MCTP1: variants seen among roughly 807,000 people sequenced by gnomAD.
The protein encoded by MCTP1 is multiple C2 and transmembrane domain containing 1.
A neutral mutation model predicts 120.6 loss-of-function variants in MCTP1; 69 were observed. That is an observed-to-expected ratio of 0.57 (90% CI 0.47 to 0.70). MCTP1 has a LOEUF of 0.70. Ranked by LOEUF, MCTP1 falls within the 30% of genes least tolerant of loss-of-function variation. The pLI is 0.00. For missense variants in MCTP1, 1,203 were observed against 1,248.8 expected (o/e 0.96, Z 0.55); for synonymous variants, 529 against 493.1 (o/e 1.07, Z -0.96).
At chr5:94,712,603 A>G (rs1320876105) in intron 20 of MCTP1, among the ~76,000 whole-genome samples, 1 of 152,032 alleles carries the variant, frequency 6.6e-6, no homozygotes, top group Non-Finnish European at 1.5e-5. Flanking sequence ...TAAAAGAGCC[A>G]ATGTTGGGTC....
chr5:94,868,445 A>T lies in MCTP1; in HGVS notation c.2324T>A (p.Leu775Gln). 1 of 1,600,344 alleles carries T rather than the reference A, an allele frequency of 6.2e-7. No homozygotes were observed. Among genetic ancestry groups the T allele is most frequent in the Non-Finnish European group, 8.5e-7 (1 of 1,173,992 alleles). ...ACGTTTCATTCTGATAAAGTTTCTTAGTAGCAGCTGTAAGGAAAATGAAAA... is the reference window on the plus strand; with the variant it reads ...ACGTTTCATTCTGATAAAGTTTCTTTGTAGCAGCTGTAAGGAAAATGAAAA... Reference protein sequence around the residue: ...EENRLSKQLLLRNFIRMKRCV... With the variant: ...EENRLSKQLLQRNFIRMKRCV... The change falls in exon 17 of 23, where the codon CTA becomes CAA. Residue 775 changes from leucine (L) to glutamine (Q), a missense_variant. Coordinates refer to ENST00000515393, the MANE Select transcript of MCTP1 (RefSeq NM_024717.7).
At chr5:94,951,243 T>G (rs1028652499) in intron 3 of MCTP1, among the ~76,000 whole-genome samples, 3 of 152,220 alleles carry the variant, frequency 2.0e-5, no homozygotes, top group Non-Finnish European at 2.9e-5. Context: ...GTTTTTTGTT[T>G]ATTTCTTTTT....
intron 1 of MCTP1, chr5:95,081,419 T>C: frequency 3.1e-6 from 5 of 1,610,766 alleles, no homozygotes; most frequent in Non-Finnish European, 4.2e-6. Flanking sequence ...ACCAAAATGT[T>C]ACTTACCTTA....
intron 6 of MCTP1, chr5:94,930,682 T>C (rs1814444757): frequency 6.6e-6 from 1 of 152,156 alleles, no homozygotes; most frequent in Non-Finnish European, 1.5e-5. Context: ...TAAATATATC[T>C]GAAAGAATAT....
chr5:95,254,522 A>G (rs1757685364), intron 1 of MCTP1, among the ~76,000 whole-genome samples: 1 of 152,158 alleles, frequency 6.6e-6, no homozygotes, highest in African/African-American at 2.4e-5. Flanking sequence ...GTCTTTTCTA[A>G]TGATCTACAT....
At chr5:94,811,798 CT>C (rs1454795689) in intron 17 of MCTP1, among the ~76,000 whole-genome samples, 1 of 152,156 alleles carries the variant, frequency 6.6e-6, no homozygotes, top group Non-Finnish European at 1.5e-5. Flanking sequence ...AAAATCTCTC[CT>C]ATCATTTTCA....
rs953436487 is a variant in MCTP1 at position 95,284,452 on chromosome 5, G to T, written c.124C>A (p.Arg42Ser). The change falls in exon 1 of 23, where the codon CGC becomes AGC. Residue 42 changes from arginine to serine, a missense_variant. Physicochemically the swap from Arg to Ser is moderately radical, Grantham distance 110. Around this residue, in one of 2 missense-constraint regions of MCTP1, gnomAD observed 463 missense variants for 377.8 expected, o/e 1.23. Transcript: ENST00000515393. This position sits in a 1 kb window ranked among gnomAD's most constrained non-coding sequence, Gnocchi z 5.2. ...GTGCGGCGCTCTGGACCCCCAGCGC[G>T]CCCGCCCCCGCCGCCCTTGCTCCTG... ...VGRSKGGGGGRAGGPERRTAD... is the reference protein window; with the variant it reads ...VGRSKGGGGGSAGGPERRTAD... 6.6e-7 allele frequency: 1 copy of T among 1,504,546 alleles called. No homozygotes were observed. Among genetic ancestry groups the T allele is most frequent in the South Asian group, 1.3e-5 (1 of 79,568 alleles). 93.2% of individuals were successfully genotyped at this position (1,504,546 alleles called of 1,614,324 possible). A position where few individuals can be genotyped will look rare whatever the true frequency, so the allele number is the denominator to read the frequency against.
At chr5:95,169,496 G>T (rs1005190467) in intron 1 of MCTP1, among the ~76,000 whole-genome samples, 3 of 152,162 alleles carry the variant, frequency 2.0e-5, no homozygotes, top group African/African-American at 4.8e-5. Context: ...TGTACCTCTG[G>T]TAGAATTTGG....
At chr5:95,091,427 A>ACC (rs1392468457) in intron 1 of MCTP1, among the ~76,000 whole-genome samples, 2 of 152,212 alleles carry the variant, frequency 1.3e-5, no homozygotes, top group Admixed American at 6.5e-5. Context: ...CTTGAAACTC[A>ACC]GATGACTTTT....
chr5:95,139,933 C>T (rs114805500), intron 1 of MCTP1, among the ~76,000 whole-genome samples: 1,724 of 152,240 alleles, frequency 0.011, 32 homozygotes, highest in African/African-American at 0.039. Context: ...AGAGAAGAAA[C>T]AGAAAAACAT....
At chr5:94,789,303 G>A (rs1269585942) in intron 18 of MCTP1, 1 of 152,210 alleles carries the variant, frequency 6.6e-6, no homozygotes, top group Admixed American at 6.5e-5. Context: ...TCTCTCTTCT[G>A]AGTCCTAATA....
intron 1 of MCTP1, among the ~76,000 whole-genome samples, chr5:95,271,736 T>C (rs1347381041): frequency 2.0e-5 from 3 of 151,684 alleles, no homozygotes; most frequent in Admixed American, 1.3e-4. Context: ...ATTTTACATA[T>C]GTTATAATTA....
intron 17 of MCTP1, chr5:94,867,204 C>G (rs2065823029): frequency 7.2e-7 from 1 of 1,379,892 alleles, no homozygotes; most frequent in Non-Finnish European, 9.5e-7. Flanking sequence ...CTGAGAGAGA[C>G]AGAGAGAGAG....
chr5:95,139,185 T>C (rs775600284), intron 1 of MCTP1, among the ~76,000 whole-genome samples: 4 of 152,206 alleles, frequency 2.6e-5, no homozygotes, highest in Non-Finnish European at 5.9e-5. Context: ...ATAAAAACTC[T>C]AAGCATAGAA....
intron 1 of MCTP1, among the ~76,000 whole-genome samples, chr5:95,111,996 T>C (rs752976307): frequency 1.3e-5 from 2 of 152,186 alleles, no homozygotes; most frequent in African/African-American, 2.4e-5. Flanking sequence ...GTATTTCCTG[T>C]ACTCCAGCAT....
chr5:95,143,687 T>G (rs1247332378), intron 1 of MCTP1, among the ~76,000 whole-genome samples: 1 of 152,180 alleles, frequency 6.6e-6, no homozygotes, highest in Non-Finnish European at 1.5e-5. Context: ...TTAATTCACT[T>G]GGAATAATGG....
chr5:94,881,687 A>G (rs1800117291), intron 12 of MCTP1, among the ~76,000 whole-genome samples: 2 of 152,106 alleles, frequency 1.3e-5, no homozygotes, highest in Admixed American at 1.3e-4. Flanking sequence ...TGGGAATAAC[A>G]ATAGTCCCTA....
At position 95,151,552 on chromosome 5, in the gene MCTP1, T is replaced by G. The variant is rs2152458936; in HGVS notation, c.720+132304A>C. On this transcript the variant is annotated intron_variant, in intron 1 of 22. Transcript: ENST00000515393. Reference sequence around the variant, plus strand: ...TTGCATTAAGCTTATTATTATGTGGTAGCTTCTGAATGGCCATTATTAAAA... The same window carrying G: ...TTGCATTAAGCTTATTATTATGTGGGAGCTTCTGAATGGCCATTATTAAAA... 2.6e-5 allele frequency among the ~76,000 whole-genome samples: 4 copies of G among 152,272 alleles called. No individual in the cohort carries two copies. The South Asian group carries it at 8.3e-4, about 32-fold the overall frequency.
At chr5:95,271,474 A>AC (rs1759390671) in intron 1 of MCTP1, among the ~76,000 whole-genome samples, 1 of 151,806 alleles carries the variant, frequency 6.6e-6, no homozygotes, top group African/African-American at 2.4e-5. Context: ...AGAAAAAAAA[A>AC]ATGAACTATA....
Sources: gnomAD v4.1 joint callset for allele counts (sites outside exome capture counted in the v4.1 genomes callset) on GRCh38, gnomAD v4.1.1 for gene constraint, gnomAD v4.1.1 regional missense constraint, Gnocchi (gnomAD v3.1) non-coding constraint, MANE v1.5 for transcripts, NCBI Gene and HGNC (gene_info 2026-07-23, HGNC 2026-07-21) for gene names.